The following CCNY variants were observed in gnomAD, a reference collection of about 807,000 sequenced individuals.
CCNY encodes cyclin Y, also known as cyclin-Y.
CCNY carries 19 observed loss-of-function variants against 42.8 expected under a neutral mutation model. The ratio of observed to expected loss-of-function variants is 0.44; its 90% CI spans 0.31 to 0.65. The LOEUF is 0.65. Ranked by LOEUF, CCNY falls within the 30% of genes least tolerant of loss-of-function variation. The pLI is 0.07. For missense variants in CCNY, 370 were observed against 437.3 expected (o/e 0.85, Z 1.37); for synonymous variants, 165 against 162.7 (o/e 1.01, Z -0.11).
intron 1 of CCNY, among the ~76,000 whole-genome samples, chr10:35,375,786 G>T (rs1414608509): frequency 1.3e-5 from 2 of 152,216 alleles, no homozygotes; most frequent in East Asian, 3.8e-4. Flanking sequence ...GGTGAAGCAG[G>T]TTCTTAGCAT....
chr10:35,425,028 G>T (rs1044387500), intron 1 of CCNY, among the ~76,000 whole-genome samples: 2 of 152,184 alleles, frequency 1.3e-5, no homozygotes, highest in African/African-American at 4.8e-5. Flanking sequence ...TCCTGCTGCT[G>T]TGTGCTGTGT....
rs149710747 is a variant in CCNY at position 35,554,191 on chromosome 10, C to T, written c.746+1006C>T. 5.0e-3 allele frequency among the ~76,000 whole-genome samples: 760 copies of T among 152,194 alleles called. 5 individuals are homozygous for T. The highest frequency in any genetic ancestry group is 0.01 in the Middle Eastern group (3 of 294). ...CAGGGGTGTCCCTGGGCTGCAGACTCGTGGGCATGTGGGTTCTGGATTCCG... is the reference window on the plus strand; with the variant it reads ...CAGGGGTGTCCCTGGGCTGCAGACTTGTGGGCATGTGGGTTCTGGATTCCG... On this transcript the variant is annotated intron_variant, in intron 8 of 9. Transcript: ENST00000374704.
intron 1 of CCNY, among the ~76,000 whole-genome samples, chr10:35,363,397 G>GC (rs1339535849): frequency 2.0e-5 from 3 of 149,828 alleles, no homozygotes; most frequent in African/African-American, 5.1e-5. Context: ...GGGGGGCCGG[G>GC]CAGAGGTGCT....
chr10:35,285,227 G>T (rs867732186), intron 3 of CCNY, among the ~76,000 whole-genome samples: 1 of 151,982 alleles, frequency 6.6e-6, no homozygotes, highest in Admixed American at 6.6e-5. Flanking sequence ...TAGAGAGAGG[G>T]TTTTGCCATG....
chr10:35,280,543 A>C (rs1353901517), intron 3 of CCNY, among the ~76,000 whole-genome samples: 2 of 152,148 alleles, frequency 1.3e-5, no homozygotes, highest in Non-Finnish European at 2.9e-5. Flanking sequence ...GGGACAACTG[A>C]ATAGCCACAT....
Position 35,556,008 on chromosome 10 carries a change from T to C in CCNY, c.746+2823T>C, listed in dbSNP as rs193068254. On this transcript the variant is annotated intron_variant, in intron 8 of 9. Coordinates refer to ENST00000374704, the MANE Select transcript of CCNY (RefSeq NM_145012.6). ...CACTATGGTTAGTAGAATAGTAGGATTGATGTTAAAACTCTATTCCATATT... is the reference window on the plus strand; with the variant it reads ...CACTATGGTTAGTAGAATAGTAGGACTGATGTTAAAACTCTATTCCATATT... 4.6e-5 allele frequency among the ~76,000 whole-genome samples: 7 copies of C among 152,330 alleles called. No homozygotes were observed. In the East Asian group the frequency reaches 1.4e-3, roughly 29 times the overall value.
intron 1 of CCNY, among the ~76,000 whole-genome samples, chr10:35,364,273 C>T (rs1211520370): frequency 1.3e-5 from 2 of 152,080 alleles, no homozygotes; most frequent in Non-Finnish European, 2.9e-5. Context: ...ATGGAAGGAG[C>T]AAGCAGGAGT....
chr10:35,401,070 G>A (rs1837633091), intron 1 of CCNY, among the ~76,000 whole-genome samples: 2 of 152,238 alleles, frequency 1.3e-5, no homozygotes, highest in Non-Finnish European at 1.5e-5. Flanking sequence ...CCAGCAACTG[G>A]CCGGCCCCGG....
chr10:35,503,654 C>T (rs911100901), intron 3 of CCNY, among the ~76,000 whole-genome samples: 2 of 152,172 alleles, frequency 1.3e-5, no homozygotes, highest in African/African-American at 4.8e-5. Context: ...GTGTGTGTGC[C>T]AGGCTCTGCT....
chr10:35,282,263 A>G (rs139326300), intron 3 of CCNY, among the ~76,000 whole-genome samples: 2 of 152,096 alleles, frequency 1.3e-5, no homozygotes, highest in Admixed American at 6.5e-5. Context: ...CCAGGACAAC[A>G]GGCATGCACC....
chr10:35,327,148 G>T (rs1835889731), intron 3 of CCNY, among the ~76,000 whole-genome samples: 1 of 151,390 alleles, frequency 6.6e-6, no homozygotes, highest in African/African-American at 2.4e-5. Context: ...TTTTAAAAAA[G>T]ATAAATATTT....
At chr10:35,505,378 T>C (rs1840195265) in intron 3 of CCNY, among the ~76,000 whole-genome samples, 1 of 151,412 alleles carries the variant, frequency 6.6e-6, no homozygotes, top group South Asian at 2.1e-4. Context: ...AAAGCCAGAC[T>C]GGGAATTCTG....
chr10:35,439,870 C>A (rs1457883946), intron 1 of CCNY, among the ~76,000 whole-genome samples: 1 of 152,152 alleles, frequency 6.6e-6, no homozygotes, highest in South Asian at 2.1e-4. Flanking sequence ...GCTGTTGACA[C>A]TGAGGGGATG....
intron 1 of CCNY, among the ~76,000 whole-genome samples, chr10:35,360,251 T>TA (rs2135153727): frequency 6.6e-6 from 1 of 151,824 alleles, no homozygotes; most frequent in African/African-American, 2.4e-5. Context: ...ACTGGAATTT[T>TA]AAAATTAAAT....
chr10:35,340,484 TGGTTG>T (rs1836152626), intron 1 of CCNY, among the ~76,000 whole-genome samples: 2 of 151,632 alleles, frequency 1.3e-5, no homozygotes, highest in East Asian at 3.9e-4. Context: ...TACCTTAAAA[TGGTTG>T]ATGGCAACTT....
chr10:35,512,953 A>G (rs1433248301), intron 3 of CCNY, among the ~76,000 whole-genome samples: 2 of 152,160 alleles, frequency 1.3e-5, no homozygotes, highest in Admixed American at 6.5e-5. Context: ...TTGTGTGTGC[A>G]TGTACATGTG....
chr10:35,269,479 T>A (rs2095728942), intron 3 of CCNY, among the ~76,000 whole-genome samples: 2 of 151,590 alleles, frequency 1.3e-5, no homozygotes, highest in Admixed American at 1.3e-4. Context: ...AAGTTTTGTA[T>A]TTTTAGTAAA....
intron 3 of CCNY, among the ~76,000 whole-genome samples, chr10:35,262,734 T>C (rs1309309827): frequency 1.3e-5 from 2 of 152,160 alleles, no homozygotes; most frequent in East Asian, 3.9e-4. Context: ...GTTTGGATTA[T>C]CCTGGTATTG....
chr10:35,271,475 A>G (rs998281371), intron 3 of CCNY, among the ~76,000 whole-genome samples: 1 of 152,200 alleles, frequency 6.6e-6, no homozygotes, highest in African/African-American at 2.4e-5. Flanking sequence ...GGCAGGGGGA[A>G]GGGAAAGTCT....
Sources: gnomAD v4.1 joint callset for allele counts (sites outside exome capture counted in the v4.1 genomes callset) on GRCh38, gnomAD v4.1.1 for gene constraint, MANE v1.5 for transcripts, NCBI Gene and HGNC (gene_info 2026-07-23, HGNC 2026-07-21) for gene names.